PTPRK: variants seen among roughly 807,000 people sequenced by gnomAD.
PTPRK encodes receptor-type tyrosine-protein phosphatase kappa.
Under a neutral mutation model 178.0 loss-of-function variants are expected in PTPRK, and 75 were observed. That is an observed-to-expected ratio of 0.42 (90% confidence interval 0.35 to 0.51). The LOEUF is 0.51. PTPRK is among the 20% of genes least tolerant of loss of function. PTPRK has a pLI of 0.02. For synonymous variants in PTPRK, 637 were observed against 620.6 expected, an observed-to-expected ratio of 1.03 and a Z score of -0.39; for missense variants, 1,441 against 1,797.8, an observed-to-expected ratio of 0.80 and a Z score of 3.59.
intron 7 of PTPRK, among the ~76,000 whole-genome samples, chr6:128,115,723 TTTA>T (rs1051333244): frequency 6.6e-6 from 1 of 152,108 alleles, no homozygotes; most frequent in African/African-American, 2.4e-5. Context: ...TGATATACAT[TTTA>T]TTATTAGTTT....
rs1488020677 is a variant in PTPRK, at chr6:128,001,252, A to G, written c.2495-2348T>C. On this transcript the variant is annotated intron_variant, in intron 15 of 29. Coordinates refer to ENST00000368226, the MANE Select transcript of PTPRK (RefSeq NM_002844.4). ...TAAAACACAAAAACCAAAAATACGA[A>G]TCAGTATGAAAAGTTTCTAAGCCCT... 2.0e-6 allele frequency: 3 copies of G among 1,474,030 alleles called. No individual in the cohort carries two copies. The East Asian group carries it at 7.4e-5, about 37-fold the overall frequency. The allele number at this position is 1,474,030 out of a possible 1,614,324, so 91.3% of individuals were successfully genotyped here.
intron 1 of PTPRK, among the ~76,000 whole-genome samples, chr6:128,464,148 C>T (rs1364873575): frequency 6.6e-6 from 1 of 152,030 alleles, no homozygotes; most frequent in Non-Finnish European, 1.5e-5. Flanking sequence ...CACCTACTCA[C>T]TATTGCATAA....
intron 1 of PTPRK, among the ~76,000 whole-genome samples, chr6:128,442,042 A>G (rs1002404816): frequency 3.3e-5 from 5 of 152,240 alleles, no homozygotes; most frequent in East Asian, 1.9e-4. Flanking sequence ...TGTTAACTCC[A>G]TATTTGAATA....
chr6:128,283,806 G>T (rs982122221), intron 3 of PTPRK, among the ~76,000 whole-genome samples: 1 of 152,122 alleles, frequency 6.6e-6, no homozygotes, highest in Non-Finnish European at 1.5e-5. Flanking sequence ...GTTATCACCA[G>T]TTCCTAAGAA....
At chr6:128,386,879 C>T (rs903665638) in intron 2 of PTPRK, among the ~76,000 whole-genome samples, 1 of 151,994 alleles carries the variant, frequency 6.6e-6, no homozygotes, top group East Asian at 1.9e-4. Context: ...ACCAGCCTGG[C>T]CAACATGGTG....
At chr6:128,275,544 T>C (rs1190916638) in intron 3 of PTPRK, among the ~76,000 whole-genome samples, 1 of 151,958 alleles carries the variant, frequency 6.6e-6, no homozygotes, top group Non-Finnish European at 1.5e-5. Flanking sequence ...GACAGTACAG[T>C]TTAGTTTTAA....
At chr6:128,168,658 A>G (rs113159366) in intron 7 of PTPRK, among the ~76,000 whole-genome samples, 2,591 of 152,114 alleles carry the variant, frequency 0.017, 64 homozygotes, top group African/African-American at 0.059. Context: ...TGTGCTCCTT[A>G]TGAGAATCTA....
intron 3 of PTPRK, among the ~76,000 whole-genome samples, chr6:128,252,123 A>G (rs1375502204): frequency 6.6e-6 from 1 of 152,232 alleles, no homozygotes; most frequent in Non-Finnish European, 1.5e-5. Flanking sequence ...ATACAAAAGT[A>G]GCCTGTATGA....
rs9491914 is a variant in PTPRK at position 128,142,814 on chromosome 6, A to G, written c.1162+41618T>C. ...ATCTAAGTATCCTGGTGTCATGCAT[A>G]TAAAATGCATTTCTACACACAAAAG... On this transcript the variant is annotated intron_variant, in intron 7 of 29. Transcript: ENST00000368226. Among the ~76,000 whole-genome samples the G allele has an allele frequency of 1.5e-3, 224 of 152,150 alleles. 2 individuals carry two copies. The highest frequency in any genetic ancestry group is 5.2e-3 in the African/African-American group (216 of 41,558).
At chr6:128,071,727 A>G (rs1782862217) in intron 11 of PTPRK, among the ~76,000 whole-genome samples, 1 of 151,972 alleles carries the variant, frequency 6.6e-6, no homozygotes, top group Non-Finnish European at 1.5e-5. Context: ...ATCAATTGTA[A>G]TCATGGTGAG....
intron 3 of PTPRK, among the ~76,000 whole-genome samples, chr6:128,285,380 T>G (rs1822312817): frequency 6.6e-6 from 1 of 151,448 alleles, no homozygotes; most frequent in Non-Finnish European, 1.5e-5. Context: ...CCAGGCACGG[T>G]CACGGGTGCT....
chr6:128,260,505 A>G (rs775913071), intron 3 of PTPRK, among the ~76,000 whole-genome samples: 1 of 152,172 alleles, frequency 6.6e-6, no homozygotes, highest in Non-Finnish European at 1.5e-5. Flanking sequence ...GTATTCGGGT[A>G]AGAAAGTTAG....
intron 9 of PTPRK, among the ~76,000 whole-genome samples, chr6:128,083,461 C>T (rs999635714): frequency 3.6e-4 from 55 of 151,954 alleles, no homozygotes; most frequent in Middle Eastern, 3.2e-3. Flanking sequence ...GACTATCCTG[C>T]TTCCCTAAAT....
At chr6:128,417,494 T>C (rs564650746) in intron 1 of PTPRK, among the ~76,000 whole-genome samples, 1 of 152,332 alleles carries the variant, frequency 6.6e-6, no homozygotes, top group African/African-American at 2.4e-5. Flanking sequence ...CATGTTAGAA[T>C]GGAAAGCATG....
At position 128,077,991 on chromosome 6, in the gene PTPRK, T is replaced by C. The variant is rs1250261524; in HGVS notation, c.1883+822A>G. On this transcript the variant is annotated intron_variant, in intron 11 of 29. Coordinates refer to ENST00000368226, the MANE Select transcript of PTPRK (RefSeq NM_002844.4). ...TTCATGTGTTCTAACTATTCTGCTT[T>C]TATTTCATCAAAGCTTCTTATTTTT... Among the ~76,000 whole-genome samples, 10 of 152,054 alleles carry C rather than the reference T, an allele frequency of 6.6e-5. No individual in the cohort carries two copies. The East Asian group carries it at 1.7e-3, about 26-fold the overall frequency.
At chr6:127,981,700 ACAAT>A (rs1277077952) in intron 24 of PTPRK, among the ~76,000 whole-genome samples, 7 of 152,252 alleles carry the variant, frequency 4.6e-5, no homozygotes, top group African/African-American at 1.7e-4. Flanking sequence ...CACTGGATCA[ACAAT>A]CAAAGAATTT....
chr6:128,341,799 G>A (rs1165828455), intron 2 of PTPRK, among the ~76,000 whole-genome samples: 1 of 152,186 alleles, frequency 6.6e-6, no homozygotes, highest in African/African-American at 2.4e-5. Flanking sequence ...AGGCCTTACT[G>A]CCTGGAGAAT....
chr6:128,167,815 T>C (rs1799638438), intron 7 of PTPRK, among the ~76,000 whole-genome samples: 1 of 152,060 alleles, frequency 6.6e-6, no homozygotes, highest in African/African-American at 2.4e-5. Flanking sequence ...CTTCTTAATA[T>C]TACTTCTACT....
intron 8 of PTPRK, among the ~76,000 whole-genome samples, chr6:128,086,807 A>G (rs1785923230): frequency 6.6e-6 from 1 of 152,080 alleles, no homozygotes; most frequent in African/African-American, 2.4e-5. Context: ...AATATTATAT[A>G]TTAAACAAAA....
Sources: allele counts gnomAD v4.1 joint callset (sites outside exome capture counted in the v4.1 genomes callset), GRCh38; gene constraint gnomAD v4.1.1; transcripts MANE v1.5; gene names NCBI Gene and HGNC (gene_info 2026-07-23, HGNC 2026-07-21).